The following LIPI variants were observed in gnomAD, a reference collection of about 807,000 sequenced individuals.
The protein encoded by LIPI is lipase member I.
In LIPI, 59 loss-of-function variants were observed where a neutral mutation model predicts 50.6. The ratio of observed to expected loss-of-function variants is 1.16; its 90% CI spans 0.94 to 1.45. The LOEUF is 1.45. LIPI is among the 40% of genes most tolerant of loss of function. The pLI, the probability that LIPI is intolerant of heterozygous loss-of-function variation, is 0.00. For missense variants in LIPI, 586 were observed against 536.3 expected (o/e 1.09, Z -0.92); for synonymous variants, 203 against 178.2 (o/e 1.14, Z -1.11).
intron 9 of LIPI, among the ~76,000 whole-genome samples, 194 bp from the exon 10 acceptor site, chr21:14,109,274 A>G (rs1282967222): frequency 6.6e-6 from 1 of 152,102 alleles, no homozygotes; most frequent in Non-Finnish European, 1.5e-5. Flanking sequence ...AAATAGACAT[A>G]ATGCTTATAA....
At chr21:14,206,663 G>T in intron 1 of LIPI, 1 of 570,242 alleles carries the variant, frequency 1.8e-6, no homozygotes, top group Non-Finnish European at 3.1e-6. Flanking sequence ...CTCATTTCTG[G>T]AAAAAAAACG....
intron 1 of LIPI, among the ~76,000 whole-genome samples, chr21:14,196,667 A>G (rs1008178123): frequency 6.6e-6 from 1 of 152,062 alleles, no homozygotes; most frequent in African/African-American, 2.4e-5. Flanking sequence ...TCTTTACAAA[A>G]AAAAAGTAAA....
chr21:14,171,325 A>G (rs1179781924), intron 4 of LIPI, among the ~76,000 whole-genome samples: 2 of 145,182 alleles, frequency 1.4e-5, no homozygotes, highest in Non-Finnish European at 3.1e-5. Flanking sequence ...CATCCCCATC[A>G]AGCTACCAAT....
chr21:14,201,559 A>C (rs2020055113), intron 1 of LIPI, among the ~76,000 whole-genome samples: 1 of 152,206 alleles, frequency 6.6e-6, no homozygotes. Context: ...GTAATCCAGC[A>C]TATAAACAGA....
At chr21:14,130,770 G>A (rs764669185) in intron 9 of LIPI, among the ~76,000 whole-genome samples, 3 of 151,742 alleles carry the variant, frequency 2.0e-5, no homozygotes, top group Non-Finnish European at 4.4e-5. Context: ...CCTAATGCCA[G>A]CAGCTGTGGG....
At chr21:14,153,148 A>G (rs990592220) in intron 7 of LIPI, among the ~76,000 whole-genome samples, 8 of 152,196 alleles carry the variant, frequency 5.3e-5, no homozygotes, top group Non-Finnish European at 8.8e-5. Flanking sequence ...GAATATATAT[A>G]TAAGGTAAGG....
In LIPI at chr21:14,125,739, T is replaced by C. The variant is rs1246188624; in HGVS notation, c.1296-16659A>G. ...TGCCTACGTAATTTTTTTGTGTTTTTAGTAGAGACAGGTCTTCACCATGTT... is the reference window on the plus strand; with the variant it reads ...TGCCTACGTAATTTTTTTGTGTTTTCAGTAGAGACAGGTCTTCACCATGTT... On this transcript the variant is annotated intron_variant, in intron 9 of 9. Coordinates refer to ENST00000681601, the MANE Select transcript of LIPI (RefSeq NM_001302998.2). Among the ~76,000 whole-genome samples the C allele has an allele frequency of 9.7e-4, 147 of 152,142 alleles. 2 individuals carry two copies. Among genetic ancestry groups the C allele is most frequent in the Non-Finnish European group, 1.8e-4 (12 of 68,006 alleles).
At chr21:14,136,869 A>G (rs1212604422) in intron 9 of LIPI, among the ~76,000 whole-genome samples, 2 of 152,342 alleles carry the variant, frequency 1.3e-5, no homozygotes, top group Middle Eastern at 3.4e-3. Context: ...GGCTCAGAGC[A>G]GAGACAGAGA....
At chr21:14,184,496 A>C (rs899700186) in intron 3 of LIPI, among the ~76,000 whole-genome samples, 2 of 152,172 alleles carry the variant, frequency 1.3e-5, no homozygotes, top group Non-Finnish European at 2.9e-5. Context: ...ATTTAAAAAA[A>C]ATTTAAATAA....
At chr21:14,125,051 A>C (rs1037556596) in intron 9 of LIPI, among the ~76,000 whole-genome samples, 1 of 152,234 alleles carries the variant, frequency 6.6e-6, no homozygotes, top group Non-Finnish European at 1.5e-5. Context: ...TTTCAAAATG[A>C]AGATAACTTG....
intron 9 of LIPI, among the ~76,000 whole-genome samples, chr21:14,127,777 T>A (rs1167178068): frequency 1.3e-5 from 2 of 152,112 alleles, no homozygotes; most frequent in African/African-American, 4.8e-5. Flanking sequence ...TGTACTAAGG[T>A]GTAAATATCA....
chr21:14,163,479 C>T lies in LIPI; in HGVS notation c.946G>A (p.Glu316Lys), dbSNP rs781517464. The T allele has an allele frequency of 1.3e-5, 21 of 1,591,304 alleles. No homozygotes were observed. The Admixed American group carries it at 3.5e-4, about 27-fold the overall frequency. The change falls in exon 7 of 10, where the codon GAA (glutamate) becomes AAA (lysine). Residue 316 changes from glutamate to lysine, a missense_variant. Transcript: ENST00000681601. Reference sequence around the variant, plus strand: ...ACAGTGGTCCTAAGAGGTCTTCCTTCCATCCTTTCTTTTAAAACACCTTTA... The same window carrying T: ...ACAGTGGTCCTAAGAGGTCTTCCTTTCATCCTTTCTTTTAAAACACCTTTA... Reference protein sequence around the residue: ...LFKGVLKERMEGRPLRTTVFL... With the variant: ...LFKGVLKERMKGRPLRTTVFL...
At chr21:14,145,640 AG>A (rs2017876140) in intron 8 of LIPI, among the ~76,000 whole-genome samples, 1 of 152,186 alleles carries the variant, frequency 6.6e-6, no homozygotes, top group Non-Finnish European at 1.5e-5. Flanking sequence ...AAAGAAAAGT[AG>A]AAGGCGGAGG....
chr21:14,125,472 C>A (rs1364104105), intron 9 of LIPI, among the ~76,000 whole-genome samples: 4 of 152,178 alleles, frequency 2.6e-5, no homozygotes, highest in African/African-American at 9.7e-5. Context: ...TCCAAAAAGG[C>A]AGACGATGAG....
At chr21:14,155,584 G>T in intron 7 of LIPI, among the ~76,000 whole-genome samples, 1 of 152,002 alleles carries the variant, frequency 6.6e-6, no homozygotes, top group African/African-American at 2.4e-5. Flanking sequence ...AGAAAGAAAT[G>T]ATGCATTACC....
intron 4 of LIPI, among the ~76,000 whole-genome samples, chr21:14,168,574 G>A (rs9680167): frequency 0.86 from 130,968 of 152,184 alleles, 56,795 homozygotes; most frequent in East Asian, 0.97. Flanking sequence ...ATTCTGAAAG[G>A]AAAGAATTGT....
intron 8 of LIPI, among the ~76,000 whole-genome samples, chr21:14,149,792 C>T (rs918751098): frequency 3.3e-5 from 5 of 152,270 alleles, no homozygotes; most frequent in East Asian, 3.9e-4. Flanking sequence ...ATTCAGGACA[C>T]GCTGATGCAA....
chr21:14,168,029 T>C (rs2018755486), intron 4 of LIPI, among the ~76,000 whole-genome samples: 2 of 152,154 alleles, frequency 1.3e-5, no homozygotes, highest in African/African-American at 2.4e-5. Context: ...AAGGAGCTAA[T>C]GGAGCTGAAA....
At chr21:14,159,655 TA>T (rs569654767) in intron 7 of LIPI, among the ~76,000 whole-genome samples, 1 of 151,308 alleles carries the variant, frequency 6.6e-6, no homozygotes, top group South Asian at 2.1e-4. Context: ...CAAGTAGATT[TA>T]AAAAAATTAA....
Sources: gnomAD v4.1 joint callset for allele counts (sites outside exome capture counted in the v4.1 genomes callset) on GRCh38, gnomAD v4.1.1 for gene constraint, MANE v1.5 for transcripts, NCBI Gene and HGNC (gene_info 2026-07-23, HGNC 2026-07-21) for gene names.